Variants in RBMS3 observed in about 807,000 individuals in gnomAD.
The protein encoded by RBMS3 is RNA-binding motif, single-stranded-interacting protein 3.
In RBMS3, 27 loss-of-function variants were observed where a neutral mutation model predicts 66.8. The ratio of observed to expected loss-of-function variants is 0.40; its 90% CI spans 0.30 to 0.56. RBMS3 has a LOEUF of 0.56. Among genes scored for constraint, RBMS3 ranks in the 20% least tolerant of loss-of-function variants. The pLI is 0.40. For missense variants in RBMS3, 513 were observed against 549.5 expected, an observed-to-expected ratio of 0.93 and a Z score of 0.66; for synonymous variants, 188 against 183.0, an observed-to-expected ratio of 1.03 and a Z score of -0.22.
At chr3:29,703,527 C>T (rs537681689) in intron 4 of RBMS3, among the ~76,000 whole-genome samples, 1 of 152,302 alleles carries the variant, frequency 6.6e-6, no homozygotes, top group African/African-American at 2.4e-5. Context: ...TTCACATGTG[C>T]TAACATATCT....
At chr3:29,645,175 G>A (rs1488109398) in intron 4 of RBMS3, among the ~76,000 whole-genome samples, 2 of 152,176 alleles carry the variant, frequency 1.3e-5, no homozygotes, top group Non-Finnish European at 2.9e-5. Flanking sequence ...AAAAGAGGCT[G>A]CATATTAAGA....
intron 1 of RBMS3, among the ~76,000 whole-genome samples, chr3:29,315,370 T>A (rs1281402850): frequency 6.6e-6 from 1 of 151,790 alleles, no homozygotes; most frequent in South Asian, 2.1e-4. Flanking sequence ...GTTTGGTATA[T>A]ACTTCAAAAC....
chr3:29,858,339 G>A (rs1347735512), intron 6 of RBMS3, among the ~76,000 whole-genome samples: 1 of 152,118 alleles, frequency 6.6e-6, no homozygotes, highest in African/African-American at 2.4e-5. Context: ...ATAAAATACA[G>A]TATGCAAAGA....
chr3:29,587,475 T>C, intron 4 of RBMS3, among the ~76,000 whole-genome samples: 1 of 151,796 alleles, frequency 6.6e-6, no homozygotes, highest in East Asian at 1.9e-4. Context: ...CTATATTTAT[T>C]ATTGTATCTT....
intron 12 of RBMS3, among the ~76,000 whole-genome samples, chr3:29,987,087 T>C (rs1698439036): frequency 6.6e-6 from 1 of 152,242 alleles, no homozygotes; most frequent in African/African-American, 2.4e-5. Flanking sequence ...TTCATATTGA[T>C]ACATGAACTT....
At chr3:29,745,257 T>TTA (rs397692088) in intron 5 of RBMS3, among the ~76,000 whole-genome samples, 33 of 151,914 alleles carry the variant, frequency 2.2e-4, no homozygotes, top group Non-Finnish European at 4.3e-4. Flanking sequence ...TGTTTTTTTT[T>TTA]ACTCTCTTGT....
chr3:29,324,728 C>A (rs951932193), intron 1 of RBMS3, among the ~76,000 whole-genome samples: 1 of 152,014 alleles, frequency 6.6e-6, no homozygotes, highest in Non-Finnish European at 1.5e-5. Context: ...AAGACAAGAG[C>A]TTTCTCTCCT....
intron 2 of RBMS3, among the ~76,000 whole-genome samples, chr3:29,458,230 T>C (rs1023234329): frequency 5.3e-4 from 80 of 152,198 alleles, no homozygotes; most frequent in African/African-American, 1.9e-3. Context: ...AATAACACAG[T>C]GACTGGCAAA....
intron 1 of RBMS3, among the ~76,000 whole-genome samples, chr3:29,377,527 A>G (rs2038540075): frequency 6.6e-6 from 1 of 152,116 alleles, no homozygotes; most frequent in Non-Finnish European, 1.5e-5. Flanking sequence ...TTCTCTGTGA[A>G]TCTTCCTTTA....
chr3:29,816,631 T>G (rs115070469), intron 6 of RBMS3, among the ~76,000 whole-genome samples: 2,112 of 152,266 alleles, frequency 0.014, 46 homozygotes, highest in African/African-American at 0.047. Context: ...AACCCTTTAA[T>G]ATAAATATAT....
intron 6 of RBMS3, among the ~76,000 whole-genome samples, chr3:29,828,356 G>A (rs1202365642): frequency 6.6e-6 from 1 of 151,812 alleles, no homozygotes; most frequent in Non-Finnish European, 1.5e-5. Flanking sequence ...AACATAAAGG[G>A]GCCACTGGAC....
chr3:29,665,223 A>C (rs936281411), intron 4 of RBMS3, among the ~76,000 whole-genome samples: 2 of 152,218 alleles, frequency 1.3e-5, no homozygotes, highest in Non-Finnish European at 2.9e-5. Context: ...ACTCTTCCTT[A>C]CTAATTTTAC....
At chr3:29,483,321 A>G (rs1042441582) in intron 2 of RBMS3, among the ~76,000 whole-genome samples, 1 of 151,070 alleles carries the variant, frequency 6.6e-6, no homozygotes. Flanking sequence ...AAAAAAAAAA[A>G]AAAAGAAAAA....
At chr3:29,734,026 C>CCA (rs142713084) in intron 4 of RBMS3, among the ~76,000 whole-genome samples, 45 of 149,314 alleles carry the variant, frequency 3.0e-4, no homozygotes, top group South Asian at 1.1e-3. Context: ...ACACACACAC[C>CCA]CACACACACA....
chr3:29,958,855 T>C (rs959551755), intron 12 of RBMS3, among the ~76,000 whole-genome samples: 1 of 152,196 alleles, frequency 6.6e-6, no homozygotes, highest in African/African-American at 2.4e-5. Flanking sequence ...GTAATTTGTG[T>C]GTTAAAAAAT....
At chr3:29,803,936 A>G (rs1216361263) in intron 6 of RBMS3, among the ~76,000 whole-genome samples, 2 of 152,042 alleles carry the variant, frequency 1.3e-5, no homozygotes, top group Non-Finnish European at 2.9e-5. Context: ...AAAGTAGGCT[A>G]TTTCATTCTT....
At chr3:29,718,820 G>C (rs2053520333) in intron 4 of RBMS3, among the ~76,000 whole-genome samples, 1 of 152,168 alleles carries the variant, frequency 6.6e-6, no homozygotes, top group South Asian at 2.1e-4. Context: ...CCTGCATGCT[G>C]TTCTTCAACT....
intron 4 of RBMS3, among the ~76,000 whole-genome samples, chr3:29,664,221 G>C (rs1002241750): frequency 1.3e-5 from 2 of 152,118 alleles, no homozygotes; most frequent in East Asian, 3.9e-4. Flanking sequence ...CAGGCACGGC[G>C]ACGCATGCTT....
At chr3:29,832,891 T>C (rs567521978) in intron 6 of RBMS3, among the ~76,000 whole-genome samples, 2 of 152,212 alleles carry the variant, frequency 1.3e-5, no homozygotes, top group East Asian at 3.9e-4. Context: ...CCAGCTCCCT[T>C]AATATACCAC....
Sources: gnomAD v4.1 joint callset for allele counts (sites outside exome capture counted in the v4.1 genomes callset) on GRCh38, gnomAD v4.1.1 for gene constraint, MANE v1.5 for transcripts, NCBI Gene and HGNC (gene_info 2026-07-23, HGNC 2026-07-21) for gene names.